CTNNA3: variants seen among roughly 807,000 people sequenced by gnomAD.
CTNNA3 encodes the protein catenin alpha-3.
A neutral mutation model predicts 95.7 loss-of-function variants in CTNNA3; 76 were observed. The ratio of observed to expected loss-of-function variants is 0.79; its 90% CI spans 0.66 to 0.96. The LOEUF is 0.96. Ranked by LOEUF, CTNNA3 falls within the 40% of genes least tolerant of loss-of-function variation. The probability of loss-of-function intolerance (pLI) is 0.00; values close to 1 mark genes in which losing one functional copy is unlikely to be tolerated. For missense variants in CTNNA3, 1,191 were observed against 1,089.8 expected (o/e 1.09, Z -1.31); for synonymous variants, 431 against 374.4 (o/e 1.15, Z -1.74).
intron 1 of CTNNA3, among the ~76,000 whole-genome samples, chr10:67,749,471 C>A (rs1392889784): frequency 6.6e-6 from 1 of 152,172 alleles, no homozygotes; most frequent in East Asian, 1.9e-4. Flanking sequence ...TCTCTCAGAC[C>A]ATAGTGCAAT....
At chr10:66,947,574 G>A (rs1409905254) in intron 7 of CTNNA3, among the ~76,000 whole-genome samples, 1 of 152,064 alleles carries the variant, frequency 6.6e-6, no homozygotes, top group African/African-American at 2.4e-5. Context: ...AAAAGCATCA[G>A]AGACAAACAC....
intron 10 of CTNNA3, among the ~76,000 whole-genome samples, chr10:66,586,989 G>C (rs1352884560): frequency 6.6e-6 from 1 of 152,130 alleles, no homozygotes; most frequent in Non-Finnish European, 1.5e-5. Flanking sequence ...CACAGTTCAG[G>C]CTGTACTGGA....
At chr10:67,674,318 C>G (rs532549745) in intron 1 of CTNNA3, among the ~76,000 whole-genome samples, 79 of 152,164 alleles carry the variant, frequency 5.2e-4, no homozygotes, top group Non-Finnish European at 9.1e-4. Context: ...AGGTGGTCAT[C>G]TGCAAGCCAA....
intron 5 of CTNNA3, among the ~76,000 whole-genome samples, chr10:67,225,266 A>G (rs766086190): frequency 2.6e-5 from 4 of 152,106 alleles, no homozygotes; most frequent in Non-Finnish European, 5.9e-5. Flanking sequence ...CTCTGTCCCT[A>G]TTTGATGGTC....
rs182776820 is a variant in CTNNA3 at position 67,709,638 on chromosome 10, C to T, written c.-2+53796G>A. ...CCCTCCCGCTCCATATCTGATCTCC[C>T]TTGATTGGGTTCCTCATCCACCACC... On this transcript the variant is annotated intron_variant, in intron 1 of 17. Transcript: ENST00000684154. 3.7e-3 allele frequency among the ~76,000 whole-genome samples: 564 copies of T among 151,964 alleles called. 8 individuals carry two copies. The highest frequency in any genetic ancestry group is 0.028 in the East Asian group (142 of 5,150).
chr10:66,107,114 G>A (rs780922909), intron 13 of CTNNA3, among the ~76,000 whole-genome samples: 1 of 152,154 alleles, frequency 6.6e-6, no homozygotes, highest in Non-Finnish European at 1.5e-5. Context: ...AGGGATGATG[G>A]AAATAATTTG....
At chr10:66,064,787 T>C (rs1453562325) in intron 15 of CTNNA3, among the ~76,000 whole-genome samples, 1 of 152,216 alleles carries the variant, frequency 6.6e-6, no homozygotes, top group Non-Finnish European at 1.5e-5. Flanking sequence ...CTTTCAAGAC[T>C]TTCACAAAGT....
At chr10:66,507,612 C>A (rs571017188) in intron 11 of CTNNA3, among the ~76,000 whole-genome samples, 1 of 152,028 alleles carries the variant, frequency 6.6e-6, no homozygotes, top group East Asian at 1.9e-4. Flanking sequence ...TATCTTTCCA[C>A]GTCTGACTTA....
chr10:67,640,828 TCCTTACA>T (rs1399965848), intron 2 of CTNNA3, among the ~76,000 whole-genome samples: 1 of 152,148 alleles, frequency 6.6e-6, no homozygotes, highest in African/African-American at 2.4e-5. Context: ...CTGGATCCCT[TCCTTACA>T]CCTTATACAA....
At chr10:67,503,031 C>T (rs1419864842) in intron 5 of CTNNA3, among the ~76,000 whole-genome samples, 1 of 152,194 alleles carries the variant, frequency 6.6e-6, no homozygotes, top group Non-Finnish European at 1.5e-5. Context: ...AAAATTCCTG[C>T]AGCTAGCTCA....
intron 9 of CTNNA3, among the ~76,000 whole-genome samples, chr10:66,644,703 T>C (rs1341541696): frequency 1.2e-5 from 1 of 85,580 alleles, no homozygotes; most frequent in Non-Finnish European, 2.2e-5. Flanking sequence ...GACACTGATA[T>C]AACTCACTGA....
intron 7 of CTNNA3, among the ~76,000 whole-genome samples, chr10:67,066,489 C>T (rs1346472517): frequency 6.7e-6 from 1 of 150,222 alleles, no homozygotes; most frequent in East Asian, 2.0e-4. Flanking sequence ...CCGCACCTGG[C>T]CAAGTCCCTT....
intron 5 of CTNNA3, among the ~76,000 whole-genome samples, chr10:67,504,435 C>CAAAAAAAA (rs60719599): frequency 3.7e-4 from 6 of 16,144 alleles, no homozygotes; most frequent in Admixed American, 7.7e-4. Context: ...GACTCCATCT[C>CAAAAAAAA]AAAAAAAAAA....
intron 15 of CTNNA3, among the ~76,000 whole-genome samples, chr10:66,067,273 A>G (rs2080332749): frequency 1.3e-5 from 2 of 152,328 alleles, no homozygotes; most frequent in African/African-American, 4.8e-5. Context: ...TTGTTTGACT[A>G]TAGGTCATAA....
At chr10:67,350,184 C>T (rs903327434) in intron 5 of CTNNA3, among the ~76,000 whole-genome samples, 6 of 151,962 alleles carry the variant, frequency 3.9e-5, no homozygotes, top group African/African-American at 1.4e-4. Flanking sequence ...TAGCGTGTGG[C>T]AGAGCTGAGA....
chr10:66,642,423 A>G lies in CTNNA3; in HGVS notation c.1282-20639T>C, dbSNP rs538083730. Among the ~76,000 whole-genome samples, 64 of 152,200 alleles carry G rather than the reference A, an allele frequency of 4.2e-4. 2 individuals are homozygous for G. The South Asian group carries it at 8.5e-3, about 20-fold the overall frequency. On this transcript the variant is annotated intron_variant, in intron 9 of 17. Transcript: ENST00000433211. ...GGTCAGGTAGAAAATTACTCACCCT[A>G]CACACCAGTTGTGTGAGTGTTGCAG... is the stretch of plus-strand genomic sequence containing the variant.
chr10:66,510,202 T>G (rs1445465692), intron 11 of CTNNA3, among the ~76,000 whole-genome samples: 2 of 151,978 alleles, frequency 1.3e-5, no homozygotes, highest in East Asian at 3.8e-4. Flanking sequence ...AGTTCATTAC[T>G]GGTATATAAA....
chr10:67,609,090 C>CTCTATCTCAAA (rs1843372581), intron 2 of CTNNA3, among the ~76,000 whole-genome samples: 1 of 79,688 alleles, frequency 1.3e-5, no homozygotes, highest in African/African-American at 4.4e-5. Flanking sequence ...AACTCTATCT[C>CTCTATCTCAAA]AAAAAAAAAA....
At chr10:65,974,307 C>T (rs1345483271) in intron 16 of CTNNA3, among the ~76,000 whole-genome samples, 1 of 152,120 alleles carries the variant, frequency 6.6e-6, no homozygotes, top group Admixed American at 6.6e-5. Context: ...TTCATTGCAG[C>T]ACTATTCACA....
Sources: allele counts gnomAD v4.1 joint callset (sites outside exome capture counted in the v4.1 genomes callset), GRCh38; gene constraint gnomAD v4.1.1; transcripts MANE v1.5; gene names NCBI Gene and HGNC (gene_info 2026-07-23, HGNC 2026-07-21).